The following VAV2 variants were observed in gnomAD, a reference collection of about 807,000 sequenced individuals.
VAV2 encodes guanine nucleotide exchange factor VAV2.
A neutral mutation model predicts 132.5 loss-of-function variants in VAV2; 67 were observed. The observed-to-expected ratio is 0.51, with a 90% CI of 0.42 to 0.62. The LOEUF (loss-of-function observed/expected upper bound fraction) is 0.62, where lower values mean the gene tolerates loss of function less well. Ranked by LOEUF, VAV2 falls within the 20% of genes least tolerant of loss-of-function variation. The pLI, the probability that VAV2 is intolerant of heterozygous loss-of-function variation, is 0.00. For synonymous variants in VAV2, 492 were observed against 443.5 expected (o/e 1.11, Z -1.37); for missense variants, 938 against 1,153.6 (o/e 0.81, Z 2.71).
intron 1 of VAV2, among the ~76,000 whole-genome samples, chr9:133,943,782 G>A (rs1427363599): frequency 2.0e-5 from 3 of 152,228 alleles, no homozygotes; most frequent in Admixed American, 6.5e-5. Context: ...AGGCTCTGGC[G>A]CTGCAATGAG....
chr9:133,975,234 C>A (rs1045708454), intron 1 of VAV2, among the ~76,000 whole-genome samples: 2 of 152,168 alleles, frequency 1.3e-5, no homozygotes, highest in Non-Finnish European at 2.9e-5. Context: ...TGGCCTCCCC[C>A]ACCAGGAGCT....
intron 1 of VAV2, among the ~76,000 whole-genome samples, chr9:133,941,416 G>GAA (rs56370347): frequency 3.9e-4 from 58 of 148,156 alleles, no homozygotes; most frequent in African/African-American, 6.9e-4. Flanking sequence ...TCAAAAAAAA[G>GAA]AAAAAAAAAA....
rs1170248260 is a variant in VAV2, at chr9:133,857,028, A to T, written c.380+4346T>A. Among the ~76,000 whole-genome samples the T allele has an allele frequency of 6.6e-6, 1 of 152,128 alleles. No individual in the cohort carries two copies. Among genetic ancestry groups the T allele is most frequent in the East Asian group, 1.9e-4 (1 of 5,176 alleles). On this transcript the variant is annotated intron_variant, in intron 3 of 29. Transcript: ENST00000371850. This position sits in a 1 kb window ranked among gnomAD's most constrained non-coding sequence, Gnocchi z 4.0. ...GAGTCATGCTCCCAGCCTACAGAAG[A>T]GACAAAGGTTCCAAGAGCATCCCTG...
chr9:133,854,225 G>T (rs926736678), intron 3 of VAV2, among the ~76,000 whole-genome samples: 6 of 148,614 alleles, frequency 4.0e-5, no homozygotes, highest in African/African-American at 1.5e-4. Flanking sequence ...ACACACCCAT[G>T]TGCACCTGCA....
chr9:133,777,483 G>T lies in VAV2; in HGVS notation c.1891-20C>A. On this transcript the variant is annotated intron_variant, in intron 22 of 29. Transcript: ENST00000371850. ...ACGACCCTGGCAGAGGAAAGAGATG[G>T]TTAGGACAAGGGGGCCGAGCCTGGC... is the stretch of plus-strand genomic sequence containing the variant. The T allele has an allele frequency of 6.2e-7, 1 of 1,612,778 alleles. No homozygotes were observed. Among genetic ancestry groups the T allele is most frequent in the Non-Finnish European group, 8.5e-7 (1 of 1,179,518 alleles).
At chr9:133,810,336 C>A in intron 5 of VAV2, 131 bp from the exon 6 acceptor site, 1 of 1,428,772 alleles carries the variant, frequency 7.0e-7, no homozygotes, top group African/African-American at 1.4e-5. Flanking sequence ...CATCACGGCC[C>A]CTCGTGCTGC....
At position 133,910,697 on chromosome 9, in the gene VAV2, G is replaced by A. The variant is rs1202653073; in HGVS notation, c.321+28406C>T. On this transcript the variant is annotated intron_variant, in intron 2 of 29. Coordinates refer to ENST00000371850, the MANE Select transcript of VAV2 (RefSeq NM_001134398.2). ...AACTTAGCCGAGCGTGGTGGCGGGC[G>A]CCTGTAGTCCCAGCTACTCGGGAGG... Among the ~76,000 whole-genome samples, 10 of 151,348 alleles carry A rather than the reference G, an allele frequency of 6.6e-5. No individual in the cohort carries two copies. The South Asian group carries it at 1.5e-3, about 22-fold the overall frequency.
At chr9:133,874,028 T>C (rs1470328314) in intron 2 of VAV2, among the ~76,000 whole-genome samples, 1 of 152,264 alleles carries the variant, frequency 6.6e-6, no homozygotes, top group Non-Finnish European at 1.5e-5. Context: ...GAGATGGTTC[T>C]GTGGCTCTCC....
intron 12 of VAV2, among the ~76,000 whole-genome samples, chr9:133,793,652 T>C (rs1315398307): frequency 3.3e-5 from 5 of 152,278 alleles, no homozygotes; most frequent in East Asian, 3.9e-4. Context: ...TAGGAACAGA[T>C]GGAAGTTGCC....
intron 6 of VAV2, 125 bp downstream of exon 6, chr9:133,810,066 G>T: frequency 1.5e-6 from 2 of 1,377,090 alleles, no homozygotes; most frequent in Non-Finnish European, 2.0e-6. Context: ...GAAGTCATGT[G>T]TGCCTGACCA....
At chr9:133,913,577 A>T (rs746327725) in intron 2 of VAV2, among the ~76,000 whole-genome samples, 22 of 152,240 alleles carry the variant, frequency 1.4e-4, no homozygotes, top group Non-Finnish European at 2.6e-4. Flanking sequence ...GCCTGCGCAC[A>T]TGGTCCCAGG....
intron 2 of VAV2, among the ~76,000 whole-genome samples, chr9:133,896,408 C>T (rs1324204777): frequency 2.0e-5 from 3 of 152,018 alleles, no homozygotes; most frequent in South Asian, 2.1e-4. Flanking sequence ...GAGCCAAGAT[C>T]GCGCCATTGC....
At position 133,861,437 on chromosome 9, in the gene VAV2, G is replaced by A. The variant is rs746927292; in HGVS notation, c.322-5C>T. On this transcript the variant is annotated splice_polypyrimidine_tract_variant and splice_region_variant and intron_variant, in intron 2 of 29. Transcript: ENST00000371850. ...CCTCGACACCGCGGAGATGACCTGG[G>A]GGAGACAAGAAGAGACGCTCCTGTA... is the stretch of plus-strand genomic sequence containing the variant. The A allele has an allele frequency of 3.7e-6, 6 of 1,613,036 alleles. No homozygotes were observed. In the Admixed American group the frequency reaches 1.0e-4, roughly 27 times the overall value.
chr9:133,861,294 C>A, intron 3 of VAV2, 80 bp downstream of exon 3: 1 of 1,470,642 alleles, frequency 6.8e-7, no homozygotes, highest in Non-Finnish European at 9.2e-7. Context: ...TGCTTCCAAC[C>A]CCAGTATCTG....
chr9:133,967,348 AG>A (rs368651814), intron 1 of VAV2, among the ~76,000 whole-genome samples: 15 of 152,320 alleles, frequency 9.8e-5, no homozygotes, highest in African/African-American at 3.1e-4. Flanking sequence ...AACAGTACAG[AG>A]GGTCCTCAAA....
chr9:133,789,198 G>A (rs1055328397), intron 14 of VAV2, 60 bp downstream of exon 14: 8 of 1,581,228 alleles, frequency 5.1e-6, no homozygotes, highest in African/African-American at 1.3e-5. Flanking sequence ...GTGGCTCCCT[G>A]GGAGGGAGAG....
intron 1 of VAV2, among the ~76,000 whole-genome samples, chr9:133,970,197 A>G (rs1842282597): frequency 6.6e-6 from 1 of 152,124 alleles, no homozygotes; most frequent in South Asian, 2.1e-4. Context: ...CCAAGGGCCA[A>G]TCACTCACAA....
rs573964678 is a variant in VAV2, at chr9:133,804,987, G to C, written c.836+1094C>G. On this transcript the variant is annotated intron_variant, in intron 9 of 29. Coordinates refer to ENST00000371850, the MANE Select transcript of VAV2 (RefSeq NM_001134398.2). The surrounding 1 kb of genome is among the most constrained non-coding windows in gnomAD (Gnocchi z 4.5). ...GCTCCAGGACCCTCCTCACAGGGAA[G>C]GGGGGAGCGCCTTTCCTGAAGCTAC... 6.6e-6 allele frequency among the ~76,000 whole-genome samples: 1 copy of C among 152,172 alleles called. No homozygotes were observed. Among genetic ancestry groups the C allele is most frequent in the African/African-American group, 2.4e-5 (1 of 41,438 alleles).
At chr9:133,925,616 G>A (rs2492057) in intron 2 of VAV2, among the ~76,000 whole-genome samples, 6 of 151,952 alleles carry the variant, frequency 3.9e-5, no homozygotes, top group Non-Finnish European at 5.9e-5. Context: ...TGCATGTTTC[G>A]CCACTGCCCT....
Sources: allele counts gnomAD v4.1 joint callset (sites outside exome capture counted in the v4.1 genomes callset), GRCh38; gene constraint gnomAD v4.1.1; non-coding constraint Gnocchi (gnomAD v3.1); transcripts MANE v1.5; gene names NCBI Gene and HGNC (gene_info 2026-07-23, HGNC 2026-07-21).